Variants in RORB observed in about 807,000 individuals in gnomAD.
The protein encoded by RORB is RAR related orphan receptor B.
A neutral mutation model predicts 59.1 loss-of-function variants in RORB; 6 were observed. That is an observed-to-expected ratio of 0.10 (90% confidence interval 0.06 to 0.20). The LOEUF (loss-of-function observed/expected upper bound fraction) is 0.20, where lower values mean the gene tolerates loss of function less well. Among genes scored for constraint, RORB ranks in the 10% least tolerant of loss-of-function variants. The pLI is 1.00. For missense variants in RORB, 320 were observed against 560.5 expected, an observed-to-expected ratio of 0.57 and a Z score of 4.33; for synonymous variants, 215 against 204.5, an observed-to-expected ratio of 1.05 and a Z score of -0.44.
In RORB at chr9:74,664,288, G is replaced by C. The variant is rs777718631; in HGVS notation, c.893-1200G>C. Among the ~76,000 whole-genome samples, 131 of 152,268 alleles carry C rather than the reference G, an allele frequency of 8.6e-4. 1 individual carries two copies. The highest frequency in any genetic ancestry group is 6.8e-3 in the Middle Eastern group (2 of 294). On this transcript the variant is annotated intron_variant, in intron 6 of 9. Coordinates refer to ENST00000376896, the MANE Select transcript of RORB (RefSeq NM_006914.4). ...CATGGAATCCAAATCTCCTGGAGGG[G>C]AACCCAGTTCATTGTATCTCTAACT...
intron 1 of RORB, among the ~76,000 whole-genome samples, chr9:74,548,115 A>G (rs2118152681): frequency 6.6e-6 from 1 of 152,288 alleles, no homozygotes; most frequent in Admixed American, 6.5e-5. Flanking sequence ...ATGACTCCCC[A>G]TGTTTTTTAG....
intron 1 of RORB, among the ~76,000 whole-genome samples, chr9:74,562,022 A>G (rs1822402909): frequency 6.6e-6 from 1 of 152,150 alleles, no homozygotes; most frequent in Non-Finnish European, 1.5e-5. Flanking sequence ...TCATAAAAAC[A>G]TTGTATCCCT....
chr9:74,607,808 A>G (rs1823171317), intron 1 of RORB, among the ~76,000 whole-genome samples: 1 of 152,340 alleles, frequency 6.6e-6, no homozygotes, highest in South Asian at 2.1e-4. Flanking sequence ...CCAGAAATTA[A>G]GTAATGACAA....
rs541672411 is a variant in RORB at position 74,539,836 on chromosome 9, A to T, written c.7+41853A>T. ...CAGAAAACCTTAAGTTTCGTTGTTA[A>T]ATTGCCAAATCACTTACCCACCTTA... On this transcript the variant is annotated intron_variant, in intron 1 of 9. Transcript: ENST00000376896. 1.0e-4 allele frequency among the ~76,000 whole-genome samples: 15 copies of T among 150,736 alleles called. 1 individual carries two copies. In the East Asian group the frequency reaches 2.7e-3, roughly 27 times the overall value.
intron 1 of RORB, among the ~76,000 whole-genome samples, chr9:74,514,370 T>A (rs886583310): frequency 6.6e-6 from 1 of 152,046 alleles, no homozygotes; most frequent in East Asian, 1.9e-4. Context: ...TGTTCTGACA[T>A]TGTAGCATAA....
intron 1 of RORB, among the ~76,000 whole-genome samples, chr9:74,600,827 G>A (rs181439202): frequency 2.0e-5 from 3 of 152,006 alleles, no homozygotes; most frequent in South Asian, 4.2e-4. Context: ...CCAAAATTAT[G>A]GGAAATCTAC....
At chr9:74,545,540 A>T (rs1587352633) in intron 1 of RORB, among the ~76,000 whole-genome samples, 1 of 152,198 alleles carries the variant, frequency 6.6e-6, no homozygotes, top group South Asian at 2.1e-4. Context: ...ATGTCTAAGA[A>T]AAGTCTTTGA....
intron 1 of RORB, among the ~76,000 whole-genome samples, chr9:74,566,413 T>C (rs1822468845): frequency 6.6e-6 from 1 of 152,174 alleles, no homozygotes; most frequent in Admixed American, 6.5e-5. Flanking sequence ...TTGTATTAGT[T>C]GTATTATTCT....
At chr9:74,679,100 G>A (rs1824498267) in intron 9 of RORB, among the ~76,000 whole-genome samples, 1 of 151,674 alleles carries the variant, frequency 6.6e-6, no homozygotes, top group African/African-American at 2.4e-5. Context: ...ACAAAAACTG[G>A]GTGTTATATT....
At chr9:74,582,382 C>T (rs1446463407) in intron 1 of RORB, among the ~76,000 whole-genome samples, 1 of 152,138 alleles carries the variant, frequency 6.6e-6, no homozygotes, top group African/African-American at 2.4e-5. Flanking sequence ...TGGAAGATTT[C>T]TCCCATATTA....
intron 1 of RORB, among the ~76,000 whole-genome samples, chr9:74,500,454 C>A (rs918985681): frequency 6.6e-6 from 1 of 152,104 alleles, no homozygotes; most frequent in Non-Finnish European, 1.5e-5. Context: ...AATCAGCTTT[C>A]GCTCGTGCAG....
rs368547662 is a variant in RORB, at chr9:74,507,604, C to A, written c.7+9621C>A. 2.6e-4 allele frequency among the ~76,000 whole-genome samples: 40 copies of A among 152,032 alleles called. No individual in the cohort carries two copies. The East Asian group carries it at 7.3e-3, about 28-fold the overall frequency. ...AGCATATAGCTTGAACCAGAATAAA[C>A]ACTCAAATCATATTTAACCATCCAG... is the stretch of plus-strand genomic sequence containing the variant. On this transcript the variant is annotated intron_variant, in intron 1 of 9. Transcript: ENST00000376896.
At position 74,620,127 on chromosome 9, in the gene RORB, C is replaced by T. The variant is rs1459237575; in HGVS notation, c.8-10155C>T. 2.6e-5 allele frequency among the ~76,000 whole-genome samples: 4 copies of T among 152,122 alleles called. No homozygotes were observed. The East Asian group carries it at 7.7e-4, about 29-fold the overall frequency. ...GTTTCAGAAGGAATGGTACCAGCTC[C>T]TTTTTGTACCTCTGGTAGAATTCAG... On this transcript the variant is annotated intron_variant, in intron 1 of 9. Transcript: ENST00000376896.
intron 1 of RORB, among the ~76,000 whole-genome samples, chr9:74,582,739 G>T (rs9792521): frequency 1.3e-5 from 2 of 151,942 alleles, no homozygotes; most frequent in African/African-American, 4.8e-5. Flanking sequence ...TCACCCTGCC[G>T]TCTTGTGCCC....
intron 1 of RORB, among the ~76,000 whole-genome samples, chr9:74,623,353 T>G (rs1369956869): frequency 6.6e-6 from 1 of 152,098 alleles, no homozygotes; most frequent in African/African-American, 2.4e-5. Flanking sequence ...GTACACTGGG[T>G]GTTAATTACA....
chr9:74,655,961 A>G (rs1480301534), intron 4 of RORB, among the ~76,000 whole-genome samples: 1 of 152,204 alleles, frequency 6.6e-6, no homozygotes, highest in Non-Finnish European at 1.5e-5. Context: ...TTTTGCCTTC[A>G]TTGCCATTCG....
At chr9:74,682,411 T>C (rs1049164726) in intron 9 of RORB, among the ~76,000 whole-genome samples, 2 of 151,710 alleles carry the variant, frequency 1.3e-5, no homozygotes, top group Non-Finnish European at 2.9e-5. Flanking sequence ...TGTGCACATG[T>C]ACCCTAAAAC....
Position 74,651,685 on chromosome 9 carries a change from G to A in RORB, c.637+8870G>A, listed in dbSNP as rs182889597. Among the ~76,000 whole-genome samples, 6 of 152,242 alleles carry A rather than the reference G, an allele frequency of 3.9e-5. No homozygotes were observed. The East Asian group carries it at 7.7e-4, about 20-fold the overall frequency. On this transcript the variant is annotated intron_variant, in intron 4 of 9. Coordinates refer to ENST00000376896, the MANE Select transcript of RORB (RefSeq NM_006914.4). ...AAAAACTGAGTTAAATAGGTTAAGC[G>A]ACTTCCCCAAAAGCACAAACTAAAA...
In RORB at chr9:74,691,090, CTGTT is replaced by C. The variant is rs1482021937; in HGVS notation, c.*5476_*5479del. Reference sequence around the variant, plus strand: ...TTCCTATGCAGCAGATGGGGGTTGTCTGTTTGTGCACTTTTTTCCTAAGCTGCTG... The same window carrying C: ...TTCCTATGCAGCAGATGGGGGTTGTCTGTGCACTTTTTTCCTAAGCTGCTG... On this transcript the variant is annotated 3_prime_UTR_variant, in exon 10 of 10. Coordinates refer to ENST00000376896, the MANE Select transcript of RORB (RefSeq NM_006914.4). 1 of 152,226 alleles carries C rather than the reference CTGTT, an allele frequency of 6.6e-6. No homozygotes were observed. The highest frequency in any genetic ancestry group is 1.5e-5 in the Non-Finnish European group (1 of 68,076). The allele number at this position is 152,226 out of a possible 1,614,324, so 9.4% of individuals were successfully genotyped here.
Sources: allele counts gnomAD v4.1 joint callset (sites outside exome capture counted in the v4.1 genomes callset), GRCh38; gene constraint gnomAD v4.1.1; transcripts MANE v1.5; gene names NCBI Gene and HGNC (gene_info 2026-07-23, HGNC 2026-07-21).